PPP1R9A: variants seen among roughly 807,000 people sequenced by gnomAD.
PPP1R9A encodes neurabin-1.
A neutral mutation model predicts 141.9 loss-of-function variants in PPP1R9A; 59 were observed. The observed-to-expected ratio is 0.42, with a 90% CI of 0.34 to 0.52. The LOEUF is 0.52. Among genes scored for constraint, PPP1R9A ranks in the 20% least tolerant of loss-of-function variants. The pLI, the probability that PPP1R9A is intolerant of heterozygous loss-of-function variation, is 0.10. For missense variants in PPP1R9A, 1,444 were observed against 1,611.9 expected (o/e 0.90, Z 1.78); for synonymous variants, 500 against 569.7 (o/e 0.88, Z 1.74).
At chr7:95,116,579 A>G (rs558457794) in intron 3 of PPP1R9A, among the ~76,000 whole-genome samples, 1 of 152,302 alleles carries the variant, frequency 6.6e-6, no homozygotes, top group East Asian at 1.9e-4. Flanking sequence ...TCTATTTGAA[A>G]GCAAATTGAA....
chr7:95,206,221 T>C (rs1417012092), intron 7 of PPP1R9A, among the ~76,000 whole-genome samples: 3 of 152,182 alleles, frequency 2.0e-5, no homozygotes, highest in African/African-American at 7.2e-5. Flanking sequence ...CCATTTGCAA[T>C]AAAAACTGAA....
chr7:95,085,594 T>C (rs12532464), intron 2 of PPP1R9A, among the ~76,000 whole-genome samples: 7,096 of 151,606 alleles, frequency 0.047, 678 homozygotes, highest in East Asian at 0.41. Context: ...TTTGTATTTT[T>C]AGTAGTGACG....
chr7:95,033,225 A>G (rs1584369116), intron 2 of PPP1R9A, among the ~76,000 whole-genome samples: 1 of 141,690 alleles, frequency 7.1e-6, no homozygotes, highest in Non-Finnish European at 1.5e-5. Flanking sequence ...CGTGTTAGCC[A>G]GGATGGTCTC....
chr7:95,124,095 AAAATT>A (rs1284011801), intron 4 of PPP1R9A, among the ~76,000 whole-genome samples: 1 of 152,162 alleles, frequency 6.6e-6, no homozygotes, highest in African/African-American at 2.4e-5. Flanking sequence ...ATGACAAAAT[AAAATT>A]ATTATTACAC....
chr7:95,274,286 T>G, intron 16 of PPP1R9A, 118 bp downstream of exon 16: 1 of 942,902 alleles, frequency 1.1e-6, no homozygotes, highest in Non-Finnish European at 1.6e-6. Flanking sequence ...ATGCCAAGAA[T>G]TGAGATGGAA....
rs183524222 is a variant in PPP1R9A, at chr7:95,084,792, A to C, written c.1396-26467A>C. 9.2e-5 allele frequency among the ~76,000 whole-genome samples: 14 copies of C among 152,142 alleles called. No homozygotes were observed. The East Asian group carries it at 2.5e-3, about 27-fold the overall frequency. On this transcript the variant is annotated intron_variant, in intron 2 of 19. Coordinates refer to ENST00000433360, the MANE Select transcript of PPP1R9A (RefSeq NM_001166160.2). ...TTAGTACATGTATTCTATTGTATGA[A>C]TAGTACAGAATTTGTAATCATTTTC... is the stretch of plus-strand genomic sequence containing the variant.
At chr7:95,179,391 T>G (rs998570444) in intron 5 of PPP1R9A, among the ~76,000 whole-genome samples, 1 of 152,070 alleles carries the variant, frequency 6.6e-6, no homozygotes, top group Non-Finnish European at 1.5e-5. Context: ...GTAAAAGCCA[T>G]CTATGACAAA....
chr7:95,135,095 CT>C lies in PPP1R9A; in HGVS notation c.1649+14265del, dbSNP rs1483344612. On this transcript the variant is annotated intron_variant, in intron 4 of 19. Coordinates refer to ENST00000433360, the MANE Select transcript of PPP1R9A (RefSeq NM_001166160.2). Reference sequence around the variant, plus strand: ...ATCAACCTATTTTATTCATACCTTTCTTAGCACACTTATAGTGTTTTTTATA... The same window carrying C: ...ATCAACCTATTTTATTCATACCTTTCTAGCACACTTATAGTGTTTTTTATA... Among the ~76,000 whole-genome samples the C allele has an allele frequency of 5.3e-5, 8 of 152,260 alleles. No homozygotes were observed. The East Asian group carries it at 1.4e-3, about 26-fold the overall frequency.
intron 2 of PPP1R9A, among the ~76,000 whole-genome samples, chr7:94,977,412 G>A (rs947175559): frequency 6.6e-6 from 1 of 152,102 alleles, no homozygotes; most frequent in Non-Finnish European, 1.5e-5. Flanking sequence ...TAAGAAACAT[G>A]TTTCAAGAAA....
chr7:95,204,100 C>T (rs1790175814), intron 7 of PPP1R9A, among the ~76,000 whole-genome samples: 1 of 149,740 alleles, frequency 6.7e-6, no homozygotes, highest in Non-Finnish European at 1.5e-5. Context: ...TCTGTAAATC[C>T]AGTACTTTTT....
chr7:94,954,949 TG>T (rs531221820), intron 2 of PPP1R9A, among the ~76,000 whole-genome samples: 5 of 151,960 alleles, frequency 3.3e-5, no homozygotes, highest in African/African-American at 4.8e-5. Context: ...ACTCTCCTTG[TG>T]AACCATTTAG....
At chr7:95,193,026 G>C (rs1835737776) in intron 5 of PPP1R9A, among the ~76,000 whole-genome samples, 1 of 152,020 alleles carries the variant, frequency 6.6e-6, no homozygotes, top group Non-Finnish European at 1.5e-5. Context: ...TTTCATGTAT[G>C]TACCACATCT....
chr7:95,247,160 A>G (rs1251847336), intron 8 of PPP1R9A, among the ~76,000 whole-genome samples: 1 of 152,214 alleles, frequency 6.6e-6, no homozygotes, highest in Non-Finnish European at 1.5e-5. Context: ...TAGCAAGGAA[A>G]CAGTTCCTTG....
intron 4 of PPP1R9A, among the ~76,000 whole-genome samples, chr7:95,158,682 A>G (rs904452221): frequency 1.3e-5 from 2 of 152,228 alleles, no homozygotes; most frequent in African/African-American, 2.4e-5. Flanking sequence ...AGTATTTGCA[A>G]TATGTTTAAG....
chr7:95,252,529 G>T (rs1799030427), intron 12 of PPP1R9A, among the ~76,000 whole-genome samples: 1 of 144,116 alleles, frequency 6.9e-6, no homozygotes, highest in East Asian at 2.1e-4. Flanking sequence ...GTACAGTGGT[G>T]CAATCTCAGC....
At chr7:95,085,064 A>T (rs1816421823) in intron 2 of PPP1R9A, among the ~76,000 whole-genome samples, 10 of 151,776 alleles carry the variant, frequency 6.6e-5, no homozygotes, top group Admixed American at 6.6e-4. Context: ...CCACATTCTC[A>T]CCCATACTCG....
chr7:95,094,730 A>G (rs1048938307), intron 2 of PPP1R9A, among the ~76,000 whole-genome samples: 2 of 151,966 alleles, frequency 1.3e-5, no homozygotes, highest in Non-Finnish European at 2.9e-5. Flanking sequence ...AAATACAAAA[A>G]TTAGCCGGGC....
In PPP1R9A at chr7:95,290,208, A is replaced by G. The variant is rs1806152314; in HGVS notation, c.4030A>G (p.Lys1344Glu). The change falls in exon 20 of 20, where the codon AAG becomes GAG. Residue 1344 changes from lysine to glutamate, a missense_variant. Physicochemically the swap from Lys to Glu is moderately conservative, Grantham distance 56. Around this residue, in one of 5 missense-constraint regions of PPP1R9A, gnomAD observed 459 missense variants for 513.8 expected, o/e 0.89. Coordinates refer to ENST00000433360, the MANE Select transcript of PPP1R9A (RefSeq NM_001166160.2). ...AGAGAAAATGGAAAAACAAAGAGAA[A>G]AGCTAAGGAGAAAGGAGCAAGAGCA... ...AQEKMEKQREKLRRKEQEQMQ... is the reference protein window; with the variant it reads ...AQEKMEKQREELRRKEQEQMQ... 1 of 1,613,732 alleles carries G rather than the reference A, an allele frequency of 6.2e-7. No homozygotes were observed. The highest frequency in any genetic ancestry group is 2.2e-5 in the East Asian group (1 of 44,828).
intron 2 of PPP1R9A, among the ~76,000 whole-genome samples, chr7:95,064,297 GGCT>G (rs1812655365): frequency 6.6e-6 from 1 of 152,054 alleles, no homozygotes; most frequent in Non-Finnish European, 1.5e-5. Flanking sequence ...TTGAACTCAT[GGCT>G]AGTATACTGC....
Sources: gnomAD v4.1 joint callset for allele counts (sites outside exome capture counted in the v4.1 genomes callset) on GRCh38, gnomAD v4.1.1 for gene constraint, gnomAD v4.1.1 regional missense constraint, MANE v1.5 for transcripts, NCBI Gene and HGNC (gene_info 2026-07-23, HGNC 2026-07-21) for gene names.